MAT1A: variants seen among roughly 807,000 people sequenced by gnomAD.
The protein encoded by MAT1A is S-adenosylmethionine synthase isoform type-1.
In MAT1A, 19 loss-of-function variants were observed where a neutral mutation model predicts 44.0. That is an observed-to-expected ratio of 0.43 (90% CI 0.30 to 0.63). The LOEUF (loss-of-function observed/expected upper bound fraction) is 0.63. Ranked by LOEUF, MAT1A falls within the 30% of genes least tolerant of loss-of-function variation. The probability of loss-of-function intolerance (pLI) is 0.12; values close to 1 mark genes in which losing one functional copy is unlikely to be tolerated. For missense variants in MAT1A, 397 were observed against 531.0 expected, an observed-to-expected ratio of 0.75 and a Z score of 2.48; for synonymous variants, 205 against 205.6, an observed-to-expected ratio of 1.00 and a Z score of 0.03.
rs1564644941 is a variant in MAT1A at position 80,273,292 on chromosome 10, C to T, written c.*489G>A. 2 of 242,698 alleles carry T rather than the reference C, an allele frequency of 8.2e-6. No individual in the cohort carries two copies. The highest frequency in any genetic ancestry group is 1.2e-4 in the South Asian group (2 of 16,968). 15.0% of individuals were successfully genotyped at this position (242,698 alleles called of 1,614,324 possible). On this transcript the variant is annotated 3_prime_UTR_variant, in exon 9 of 9. Transcript: ENST00000372213. Reference sequence around the variant, plus strand: ...TAGGAGACATCAGTCCTGCTCTAACCCCTGCCACATGCCTGGCCTGGGTGG... The same window carrying T: ...TAGGAGACATCAGTCCTGCTCTAACTCCTGCCACATGCCTGGCCTGGGTGG...
In MAT1A at chr10:80,289,496, T is replaced by TTCTTCTTCTTCG. The variant is rs1841693430; in HGVS notation, c.-74_-73insCGAAGAAGAAGA. 1 of 790,528 alleles carries TTCTTCTTCTTCG rather than the reference T, an allele frequency of 1.3e-6. No individual in the cohort carries two copies. The highest frequency in any genetic ancestry group is 4.3e-5 in the African/African-American group (1 of 23,178). The allele number at this position is 790,528 out of a possible 1,614,324, so 49.0% of individuals were successfully genotyped here. A position where few individuals can be genotyped will look rare whatever the true frequency, so the allele number is the denominator to read the frequency against. The stretch of plus-strand genomic sequence containing the variant: ...GCTGTGACTTTGCCTGAGTTTTTTT[T>TTCTTCTTCTTCG]TCTTCTTCTTCTTCTTCTTTCAACC... On this transcript the variant is annotated 5_prime_UTR_variant, in exon 1 of 9. Coordinates refer to ENST00000372213, the MANE Select transcript of MAT1A (RefSeq NM_000429.3).
chr10:80,289,348 C>G lies in MAT1A; in HGVS notation c.76G>C (p.Gly26Arg), dbSNP rs1033430730. ...GCCTACTTACCCGGGTGTCCCTCTC[C>G]CACAGACTCCGATGTGAACATGAAG... ...GVFMFTSESV[G>R]EGHPDKICDQ... The change falls in exon 1 of 9, where the codon GGA becomes CGA. Residue 26 changes from glycine (G) to arginine (R), a missense_variant. By Grantham distance (125) the Gly-to-Arg change is moderately radical. Coordinates refer to ENST00000372213, the MANE Select transcript of MAT1A (RefSeq NM_000429.3). 1 of 1,614,040 alleles carries G rather than the reference C, an allele frequency of 6.2e-7. No homozygotes were observed. Among genetic ancestry groups the G allele is most frequent in the African/African-American group, 1.3e-5 (1 of 74,922 alleles).
Position 80,274,871 on chromosome 10 carries a change from T to G in MAT1A, c.951+146A>C, listed in dbSNP as rs566179567. 2.4e-6 allele frequency: 3 copies of G among 1,237,584 alleles called. 1 individual carries two copies. In the South Asian group the frequency reaches 4.0e-5, roughly 16 times the overall value. 76.7% of individuals were successfully genotyped at this position (1,237,584 alleles called of 1,614,324 possible). A position where few individuals can be genotyped will look rare whatever the true frequency, so the allele number is the denominator to read the frequency against. On this transcript the variant is annotated intron_variant, in intron 7 of 8. Coordinates refer to ENST00000372213, the MANE Select transcript of MAT1A (RefSeq NM_000429.3). The stretch of plus-strand genomic sequence containing the variant: ...TCCCTCCCCTAGGTTTTCAGAGCCC[T>G]GGCCACAGTGCCCAACACAATCACA...
chr10:80,275,761 T>C (rs1210954977), intron 6 of MAT1A, among the ~76,000 whole-genome samples: 1 of 152,224 alleles, frequency 6.6e-6, no homozygotes, highest in African/African-American at 2.4e-5. Context: ...AAGTGTTACC[T>C]CCTTCTACTC....
intron 5 of MAT1A, among the ~76,000 whole-genome samples, chr10:80,279,182 AG>A (rs1385894138): frequency 1.3e-5 from 2 of 152,234 alleles, no homozygotes; most frequent in African/African-American, 4.8e-5. Flanking sequence ...ATTTCCAAGC[AG>A]GGAGTACCTT....
intron 8 of MAT1A, among the ~76,000 whole-genome samples, chr10:80,274,213 C>A (rs1269738834): frequency 2.6e-5 from 4 of 152,182 alleles, no homozygotes; most frequent in African/African-American, 9.7e-5. Context: ...TGATTCCCAG[C>A]CATTTGAGCT....
chr10:80,289,551 G>C lies in MAT1A; in HGVS notation c.-128C>G. ...AGGCTTGTCTTTGGCAGAGCCACGG[G>C]GATCACTTCTGCCTAACTGCCTGTG... On this transcript the variant is annotated 5_prime_UTR_variant, in exon 1 of 9. Transcript: ENST00000372213. 1 of 745,970 alleles carries C rather than the reference G, an allele frequency of 1.3e-6. No individual in the cohort carries two copies. The highest frequency in any genetic ancestry group is 2.6e-5 in the East Asian group (1 of 37,754). The allele number at this position is 745,970 out of a possible 1,614,324, so 46.2% of individuals were successfully genotyped here.
chr10:80,289,613 G>T lies in MAT1A; in HGVS notation c.-190C>A. ...ACAGGCGAGGACTGCTGAGAAGGGA[G>T]GGAGTGGATGGAACACGGGATGTGT... On this transcript the variant is annotated 5_prime_UTR_variant, in exon 1 of 9. Transcript: ENST00000372213. 1.6e-6 allele frequency: 1 copy of T among 640,624 alleles called. No homozygotes were observed. The highest frequency in any genetic ancestry group is 1.8e-5 in the African/African-American group (1 of 55,600). 39.7% of individuals were successfully genotyped at this position (640,624 alleles called of 1,614,324 possible).
In MAT1A at chr10:80,280,181, T is replaced by G; in HGVS notation, c.541A>C (p.Lys181Gln). 1 of 1,613,972 alleles carries G rather than the reference T, an allele frequency of 6.2e-7. No individual in the cohort carries two copies. Among genetic ancestry groups the G allele is most frequent in the South Asian group, 1.1e-5 (1 of 91,070 alleles). ...GLLPWLRPDSKTQVTVQYMQD... is the reference protein window; with the variant it reads ...GLLPWLRPDSQTQVTVQYMQD... The stretch of plus-strand genomic sequence containing the variant: ...GTAATTCAGCTGCTCACCTGAGTCT[T>G]AGAGTCAGGCCGCAGCCAGGGGAGG... The change falls in exon 5 of 9, where the codon AAG becomes CAG. Residue 181 changes from lysine (K) to glutamine (Q), a missense_variant. Physicochemically the swap from Lys to Gln is moderately conservative, Grantham distance 53. Coordinates refer to ENST00000372213, the MANE Select transcript of MAT1A (RefSeq NM_000429.3).
intron 3 of MAT1A, among the ~76,000 whole-genome samples, chr10:80,283,400 G>A (rs574543849): frequency 1.1e-3 from 168 of 152,380 alleles, no homozygotes; most frequent in African/African-American, 3.8e-3. Context: ...ACCAGTTCTG[G>A]ACTGAGTCAT....
Position 80,289,425 on chromosome 10 carries a change from T to C in MAT1A, c.-2A>G, listed in dbSNP as rs774734827. ...CAAGCCATCCACCGGTCCATTCATC[T>C]TCTCACACTTCTCCACTCACGCTTC... is the stretch of plus-strand genomic sequence containing the variant. On this transcript the variant is annotated 5_prime_UTR_variant, in exon 1 of 9. Coordinates refer to ENST00000372213, the MANE Select transcript of MAT1A (RefSeq NM_000429.3). 3.1e-6 allele frequency: 5 copies of C among 1,609,262 alleles called. No homozygotes were observed. The highest frequency in any genetic ancestry group is 4.3e-6 in the Non-Finnish European group (5 of 1,175,538).
At position 80,276,300 on chromosome 10, in the gene MAT1A, G is replaced by A. The variant is rs917815068; in HGVS notation, c.768+76C>T. ...TGACCCCCTCCAAGCTATCTCTTGA[G>A]GTTTTCCTGCTCTGAGACATAAGCA... On this transcript the variant is annotated intron_variant, in intron 6 of 8. Coordinates refer to ENST00000372213, the MANE Select transcript of MAT1A (RefSeq NM_000429.3). 4.8e-6 allele frequency: 7 copies of A among 1,459,630 alleles called. No individual in the cohort carries two copies. In the Admixed American group the frequency reaches 1.0e-4, roughly 21 times the overall value. The allele number at this position is 1,459,630 out of a possible 1,614,324, so 90.4% of individuals were successfully genotyped here. A position where few individuals can be genotyped will look rare whatever the true frequency, so the allele number is the denominator to read the frequency against.
At chr10:80,285,784 G>A (rs748583218) in intron 1 of MAT1A, among the ~76,000 whole-genome samples, 195 bp from the exon 2 acceptor site, 47 of 151,606 alleles carry the variant, frequency 3.1e-4, no homozygotes, top group Non-Finnish European at 6.0e-4. Context: ...AATTTTGGAT[G>A]ACACGTATTA....
intron 5 of MAT1A, among the ~76,000 whole-genome samples, chr10:80,277,978 T>G (rs76776628): frequency 0.054 from 8,248 of 152,302 alleles, 213 homozygotes; most frequent in Middle Eastern, 0.1. Context: ...TCCAGCTGGA[T>G]GAAGACACTA....
chr10:80,289,488 G>GTTTTT lies in MAT1A; in HGVS notation c.-70_-66dup. 2 of 1,104,096 alleles carry GTTTTT rather than the reference G, an allele frequency of 1.8e-6. No homozygotes were observed. The highest frequency in any genetic ancestry group is 1.3e-6 in the Non-Finnish European group (1 of 751,490). The allele number at this position is 1,104,096 out of a possible 1,614,324, so 68.4% of individuals were successfully genotyped here. On this transcript the variant is annotated 5_prime_UTR_variant, in exon 1 of 9. Transcript: ENST00000372213. ...ATTTTGAGGCTGTGACTTTGCCTGAGTTTTTTTTTCTTCTTCTTCTTCTTC... is the reference window on the plus strand; with the variant it reads ...ATTTTGAGGCTGTGACTTTGCCTGAGTTTTTTTTTTTTTTCTTCTTCTTCTTCTTC...
At chr10:80,278,501 C>T (rs1841519492) in intron 5 of MAT1A, among the ~76,000 whole-genome samples, 1 of 152,220 alleles carries the variant, frequency 6.6e-6, no homozygotes. Flanking sequence ...GACAGGCAGG[C>T]CGACATCATG....
chr10:80,284,479 G>A (rs1273551640), intron 2 of MAT1A, among the ~76,000 whole-genome samples: 3 of 152,128 alleles, frequency 2.0e-5, no homozygotes, highest in Admixed American at 6.5e-5. Context: ...ATCAAAGCAG[G>A]CCAACCTTCT....
chr10:80,283,789 G>A (rs1171667025), intron 3 of MAT1A, 127 bp downstream of exon 3: 13 of 1,412,080 alleles, frequency 9.2e-6, no homozygotes, highest in Non-Finnish European at 1.1e-5. Flanking sequence ...ACAGACAAGT[G>A]TAGGAGTGTT....
chr10:80,281,435 C>T (rs553440504), intron 3 of MAT1A, among the ~76,000 whole-genome samples: 9 of 152,262 alleles, frequency 5.9e-5, no homozygotes, highest in South Asian at 2.1e-4. Flanking sequence ...ACACCTAGCA[C>T]GCGAGGCACT....
Sources: gnomAD v4.1 joint callset for allele counts (sites outside exome capture counted in the v4.1 genomes callset) on GRCh38, gnomAD v4.1.1 for gene constraint, MANE v1.5 for transcripts, NCBI Gene and HGNC (gene_info 2026-07-23, HGNC 2026-07-21) for gene names.